FANCC: variants seen among roughly 807,000 people sequenced by gnomAD.
The protein encoded by FANCC is FA complementation group C.
Under a neutral mutation model 71.3 loss-of-function variants are expected in FANCC, and 55 were observed. The observed-to-expected ratio is 0.77, with a 90% CI of 0.62 to 0.97. FANCC has a LOEUF of 0.97. FANCC is among the 50% of genes least tolerant of loss of function. The pLI is 0.00. For missense variants in FANCC, 678 were observed against 670.9 expected, an observed-to-expected ratio of 1.01 and a Z score of -0.12; for synonymous variants, 275 against 244.9, an observed-to-expected ratio of 1.12 and a Z score of -1.15.
chr9:95,123,146 T>A (rs1054175519), intron 10 of FANCC, among the ~76,000 whole-genome samples: 1 of 150,836 alleles, frequency 6.6e-6, no homozygotes, highest in African/African-American at 2.4e-5. Context: ...CAAAAAAAAA[T>A]TTAAAAATTA....
chr9:95,306,679 C>T (rs1270822617), intron 1 of FANCC, among the ~76,000 whole-genome samples: 2 of 152,076 alleles, frequency 1.3e-5, no homozygotes, highest in South Asian at 2.1e-4. Context: ...CAGAAATACC[C>T]GGCTCTTTTG....
chr9:95,281,510 C>G (rs565477564), intron 1 of FANCC, among the ~76,000 whole-genome samples: 3 of 152,146 alleles, frequency 2.0e-5, no homozygotes, highest in African/African-American at 7.2e-5. Flanking sequence ...TCATCAGCAC[C>G]AGACCTGTCT....
At chr9:95,198,253 C>T (rs1396368758) in intron 4 of FANCC, among the ~76,000 whole-genome samples, 1 of 152,140 alleles carries the variant, frequency 6.6e-6, no homozygotes, top group African/African-American at 2.4e-5. Flanking sequence ...GGGGCCAATT[C>T]AAAATCCACT....
At chr9:95,115,652 T>A (rs1014409543) in intron 11 of FANCC, among the ~76,000 whole-genome samples, 1 of 152,206 alleles carries the variant, frequency 6.6e-6, no homozygotes, top group Non-Finnish European at 1.5e-5. Flanking sequence ...AGTTTTCACA[T>A]AGTGATAGAT....
At chr9:95,127,978 C>G (rs1158821038) in intron 8 of FANCC, among the ~76,000 whole-genome samples, 2 of 152,244 alleles carry the variant, frequency 1.3e-5, no homozygotes, top group Admixed American at 1.3e-4. Context: ...TCATCCTTCA[C>G]TGATGTGCAT....
intron 13 of FANCC, among the ~76,000 whole-genome samples, chr9:95,109,268 C>G (rs1214958834): frequency 6.6e-6 from 1 of 152,078 alleles, no homozygotes; most frequent in African/African-American, 2.4e-5. Context: ...TAGGATATAC[C>G]ACACTTTATT....
At chr9:95,283,986 G>A (rs1833525138) in intron 1 of FANCC, among the ~76,000 whole-genome samples, 1 of 152,184 alleles carries the variant, frequency 6.6e-6, no homozygotes, top group Admixed American at 6.5e-5. Flanking sequence ...GGGTTGCTGT[G>A]AATAATAAAA....
At chr9:95,246,465 T>C (rs182647127) in intron 3 of FANCC, among the ~76,000 whole-genome samples, 21 of 152,364 alleles carry the variant, frequency 1.4e-4, no homozygotes, top group Non-Finnish European at 1.6e-4. Flanking sequence ...TCTAATGTCA[T>C]TATATTATGC....
intron 7 of FANCC, among the ~76,000 whole-genome samples, chr9:95,146,551 C>T (rs998341043): frequency 5.3e-5 from 7 of 132,912 alleles, no homozygotes; most frequent in African/African-American, 1.7e-4. Flanking sequence ...GATTTAAAAA[C>T]CACAGTATTC....
chr9:95,180,811 A>G (rs1049635311), intron 4 of FANCC, among the ~76,000 whole-genome samples: 1 of 152,154 alleles, frequency 6.6e-6, no homozygotes, highest in African/African-American at 2.4e-5. Flanking sequence ...TTGTTTACCT[A>G]GAATCACCAC....
intron 2 of FANCC, among the ~76,000 whole-genome samples, chr9:95,247,968 T>TA (rs1831098615): frequency 6.6e-6 from 1 of 152,194 alleles, no homozygotes; most frequent in Non-Finnish European, 1.5e-5. Context: ...GAAGAAGGTT[T>TA]AAAGGGATGA....
chr9:95,287,137 A>G (rs891863255), intron 1 of FANCC, among the ~76,000 whole-genome samples: 1 of 152,216 alleles, frequency 6.6e-6, no homozygotes, highest in South Asian at 2.1e-4. Flanking sequence ...TAAGGAAAAG[A>G]GAAGTAAATA....
intron 1 of FANCC, chr9:95,294,292 G>T (rs1183345101): frequency 4.4e-6 from 7 of 1,583,232 alleles, no homozygotes; most frequent in Non-Finnish European, 5.2e-6. Flanking sequence ...GACTCAAACT[G>T]AAGAGAGTGA....
chr9:95,183,920 C>T (rs987152175), intron 4 of FANCC, among the ~76,000 whole-genome samples: 4 of 152,102 alleles, frequency 2.6e-5, no homozygotes, highest in Non-Finnish European at 4.4e-5. Flanking sequence ...TAGTTCCATC[C>T]GATACACTCA....
In FANCC at chr9:95,300,719, G is replaced by C. The variant is rs573516827; in HGVS notation, c.-79+16807C>G. ...TGACAATTTTAAAATCCCAGTCCAGGGATATGTGGTTATCCCACCCTGGTA... is the reference window on the plus strand; with the variant it reads ...TGACAATTTTAAAATCCCAGTCCAGCGATATGTGGTTATCCCACCCTGGTA... On this transcript the variant is annotated intron_variant, in intron 1 of 14. Transcript: ENST00000289081. Among the ~76,000 whole-genome samples, 36 of 152,166 alleles carry C rather than the reference G, an allele frequency of 2.4e-4. No homozygotes were observed. In the South Asian group the frequency reaches 7.5e-3, roughly 32 times the overall value.
At chr9:95,160,530 T>G (rs548491840) in intron 6 of FANCC, among the ~76,000 whole-genome samples, 2 of 152,336 alleles carry the variant, frequency 1.3e-5, no homozygotes, top group South Asian at 4.1e-4. Context: ...TGGTTCCACA[T>G]GAACTTCAAA....
chr9:95,111,755 G>A, intron 12 of FANCC, 118 bp from the exon 13 acceptor site: 1 of 1,127,734 alleles, frequency 8.9e-7, no homozygotes, highest in Non-Finnish European at 1.3e-6. Flanking sequence ...CCACTGAAGT[G>A]CAACCTGCAA....
intron 8 of FANCC, among the ~76,000 whole-genome samples, chr9:95,130,299 TGAGA>T (rs3030652): frequency 0.021 from 3,166 of 149,204 alleles, 51 homozygotes; most frequent in Non-Finnish European, 0.032. Flanking sequence ...TGTGTGTGTG[TGAGA>T]GAGAGAGAGA....
chr9:95,201,473 G>A (rs556474761), intron 4 of FANCC, among the ~76,000 whole-genome samples: 1 of 152,266 alleles, frequency 6.6e-6, no homozygotes, highest in South Asian at 2.1e-4. Flanking sequence ...TGAAGGCCTG[G>A]CAAGTCTTGA....
Sources: gnomAD v4.1 joint callset for allele counts (sites outside exome capture counted in the v4.1 genomes callset) on GRCh38, gnomAD v4.1.1 for gene constraint, MANE v1.5 for transcripts, NCBI Gene and HGNC (gene_info 2026-07-23, HGNC 2026-07-21) for gene names.